The following DCP2 variants were observed in gnomAD, a reference collection of about 807,000 sequenced individuals.
The protein encoded by DCP2 is m7GpppN-mRNA hydrolase.
In DCP2, 30 loss-of-function variants were observed where a neutral mutation model predicts 56.1. The ratio of observed to expected loss-of-function variants is 0.53; its 90% CI spans 0.40 to 0.73. The LOEUF is 0.73. DCP2 is among the 30% of genes least tolerant of loss of function. The pLI, the probability that DCP2 is intolerant of heterozygous loss-of-function variation, is 0.00. For synonymous variants in DCP2, 197 were observed against 163.3 expected (o/e 1.21, Z -1.57); for missense variants, 533 against 502.7 (o/e 1.06, Z -0.58).
chr5:113,014,222 G>T lies in DCP2; in HGVS notation c.*738G>T. 6.6e-6 allele frequency: 1 copy of T among 152,320 alleles called. No individual in the cohort carries two copies. Among genetic ancestry groups the T allele is most frequent in the Non-Finnish European group, 1.5e-5 (1 of 68,046 alleles). The allele number at this position is 152,320 out of a possible 1,614,324, so 9.4% of individuals were successfully genotyped here. A position where few individuals can be genotyped will look rare whatever the true frequency, so the allele number is the denominator to read the frequency against. ...AATGTAGCAGACAGCATGGAGGCTG[G>T]GACCCAGCAGCTACTTTGGGTCATG... On this transcript the variant is annotated 3_prime_UTR_variant, in exon 11 of 11. Coordinates refer to ENST00000389063, the MANE Select transcript of DCP2 (RefSeq NM_152624.6).
Position 113,022,140 on chromosome 5 carries a change from G to A in DCP2, c.*8656G>A, listed in dbSNP as rs1750177469. On this transcript the variant is annotated 3_prime_UTR_variant, in exon 11 of 11. Coordinates refer to ENST00000389063, the MANE Select transcript of DCP2 (RefSeq NM_152624.6). ...AAATATTTATTCAGAATATAAGAATGTTTGTAAAATATTATAAATGTCTCT... is the reference window on the plus strand; with the variant it reads ...AAATATTTATTCAGAATATAAGAATATTTGTAAAATATTATAAATGTCTCT... 6.6e-6 allele frequency: 1 copy of A among 152,516 alleles called. No homozygotes were observed. Among genetic ancestry groups the A allele is most frequent in the Non-Finnish European group, 1.5e-5 (1 of 68,020 alleles). 9.4% of individuals were successfully genotyped at this position (152,516 alleles called of 1,614,324 possible). A position where few individuals can be genotyped will look rare whatever the true frequency, so the allele number is the denominator to read the frequency against.
intron 1 of DCP2, among the ~76,000 whole-genome samples, chr5:112,979,572 T>C (rs1747900929): frequency 6.6e-6 from 1 of 152,206 alleles, no homozygotes; most frequent in Non-Finnish European, 1.5e-5. Flanking sequence ...TATTAGTGTA[T>C]ATAGGAAGTT....
intron 2 of DCP2, among the ~76,000 whole-genome samples, chr5:112,988,946 ACAC>A (rs1469960768): frequency 1.3e-5 from 2 of 152,202 alleles, no homozygotes; most frequent in African/African-American, 4.8e-5. Flanking sequence ...CTATTACAAA[ACAC>A]CAACAACCTT....
chr5:112,992,507 C>A (rs879804398), intron 3 of DCP2, among the ~76,000 whole-genome samples, 165 bp from the exon 4 acceptor site: 3 of 151,928 alleles, frequency 2.0e-5, no homozygotes, highest in Non-Finnish European at 4.4e-5. Flanking sequence ...TGCTTTCACA[C>A]TGGTGGTGAT....
At chr5:112,997,963 A>G (rs746374134) in intron 4 of DCP2, among the ~76,000 whole-genome samples, 1 of 152,154 alleles carries the variant, frequency 6.6e-6, no homozygotes, top group Admixed American at 6.5e-5. Flanking sequence ...TTATCTGCTA[A>G]CATTTGAGAA....
chr5:112,992,231 G>A lies in DCP2; in HGVS notation c.316G>A (p.Asp106Asn). 5 of 1,611,502 alleles carry A rather than the reference G, an allele frequency of 3.1e-6. No homozygotes were observed. In the South Asian group the frequency reaches 5.5e-5, roughly 18 times the overall value. ...ACCAACATATGGTGCAATTATTCTTGATGAGACACTTGAAAATGTGAGTGT... is the reference window on the plus strand; with the variant it reads ...ACCAACATATGGTGCAATTATTCTTAATGAGACACTTGAAAATGTGAGTGT... ...GVPTYGAIILDETLENVLLVQ... is the reference protein window; with the variant it reads ...GVPTYGAIILNETLENVLLVQ... The change falls in exon 3 of 11, where the codon GAT (aspartate) becomes AAT (asparagine). Residue 106 changes from aspartate (D) to asparagine (N), a missense_variant. Asp to Asn is a conservative substitution (Grantham distance 23). Transcript: ENST00000389063.
intron 2 of DCP2, among the ~76,000 whole-genome samples, chr5:112,987,571 G>T (rs1423267522): frequency 1.4e-5 from 2 of 146,730 alleles, no homozygotes; most frequent in African/African-American, 5.0e-5. Context: ...TCATGCCTCA[G>T]CCTCCTGAGT....
chr5:112,977,879 G>T (rs542906613), intron 1 of DCP2, among the ~76,000 whole-genome samples: 1 of 152,202 alleles, frequency 6.6e-6, no homozygotes, highest in East Asian at 1.9e-4. Context: ...TTAAAAGGCA[G>T]GCTTTTAGTA....
chr5:112,979,650 G>A (rs1478956658), intron 1 of DCP2, among the ~76,000 whole-genome samples: 1 of 152,160 alleles, frequency 6.6e-6, no homozygotes, highest in Non-Finnish European at 1.5e-5. Flanking sequence ...TTGATGTGGA[G>A]AGCAGCAGAC....
rs1189176248 is a variant in DCP2 at position 113,017,212 on chromosome 5, T to C, written c.*3728T>C. 6.6e-6 allele frequency: 1 copy of C among 152,244 alleles called. No individual in the cohort carries two copies. The highest frequency in any genetic ancestry group is 1.5e-5 in the Non-Finnish European group (1 of 68,044). The allele number at this position is 152,244 out of a possible 1,614,324, so 9.4% of individuals were successfully genotyped here. A position where few individuals can be genotyped will look rare whatever the true frequency, so the allele number is the denominator to read the frequency against. The stretch of plus-strand genomic sequence containing the variant: ...TAGTAAAGTCAGACTCATTAACTTT[T>C]CTTCCTAGTAATTTTGACTTGGATT... On this transcript the variant is annotated 3_prime_UTR_variant, in exon 11 of 11. Coordinates refer to ENST00000389063, the MANE Select transcript of DCP2 (RefSeq NM_152624.6).
intron 2 of DCP2, among the ~76,000 whole-genome samples, chr5:112,988,027 C>T (rs1441596490): frequency 6.6e-6 from 1 of 151,958 alleles, no homozygotes; most frequent in Non-Finnish European, 1.5e-5. Flanking sequence ...GCTGAAATAC[C>T]CTCATTCTCA....
rs921783963 is a variant in DCP2 at position 113,019,101 on chromosome 5, A to G, written c.*5617A>G. The stretch of plus-strand genomic sequence containing the variant: ...TCTGAGGTCAAATTTAACATTTAAT[A>G]TATTCTCCTTTTAGTTCATTGAATC... On this transcript the variant is annotated 3_prime_UTR_variant, in exon 11 of 11. Transcript: ENST00000389063. 2.0e-5 allele frequency: 3 copies of G among 152,148 alleles called. No individual in the cohort carries two copies. The highest frequency in any genetic ancestry group is 4.4e-5 in the Non-Finnish European group (3 of 68,036). The allele number at this position is 152,148 out of a possible 1,614,324, so 9.4% of individuals were successfully genotyped here.
At chr5:112,984,720 A>ATATATG (rs1554098993) in intron 1 of DCP2, 2 of 132,632 alleles carry the variant, frequency 1.5e-5, no homozygotes, top group African/African-American at 6.0e-5. Context: ...ATATATATAT[A>ATATATG]TATATTTGAG....
At chr5:112,997,623 T>C (rs531202668) in intron 4 of DCP2, among the ~76,000 whole-genome samples, 35 of 151,700 alleles carry the variant, frequency 2.3e-4, no homozygotes, top group African/African-American at 8.0e-4. Context: ...CTTTTTTTTT[T>C]TTTTGAGACG....
chr5:113,010,789 C>T lies in DCP2; in HGVS notation c.1081C>T (p.Gln361Ter). 6.3e-7 allele frequency: 1 copy of T among 1,593,262 alleles called. No homozygotes were observed. Among genetic ancestry groups the T allele is most frequent in the Non-Finnish European group, 8.5e-7 (1 of 1,173,736 alleles). The part of the protein sequence containing the change: ...CEKKLHPRKL[Q>*]DNFETDAVYD... ...AAAGAAACTTCATCCACGGAAACTT[C>T]AGGATAATTTTGAAACAGGCAAGTC... The change falls in exon 10 of 11, where the codon CAG becomes TAG. Residue 361 changes from glutamine (Q) to a stop codon, truncating the protein, a stop_gained. Transcript: ENST00000389063. LOFTEE classifies it high-confidence loss of function.
At chr5:112,988,179 A>T (rs972965647) in intron 2 of DCP2, among the ~76,000 whole-genome samples, 3 of 152,014 alleles carry the variant, frequency 2.0e-5, no homozygotes, top group African/African-American at 7.2e-5. Context: ...TATTACTCTG[A>T]TCATTTGAAA....
intron 8 of DCP2, among the ~76,000 whole-genome samples, chr5:113,006,117 CAAAAAAA>C (rs75106280): frequency 1.3e-4 from 8 of 62,442 alleles, no homozygotes; most frequent in Non-Finnish European, 2.1e-4. Flanking sequence ...ACCCTATCTC[CAAAAAAA>C]AAAAAAAAAA....
At chr5:113,004,749 T>C (rs1011793616) in intron 8 of DCP2, among the ~76,000 whole-genome samples, 3 of 152,176 alleles carry the variant, frequency 2.0e-5, no homozygotes, top group Admixed American at 1.3e-4. Context: ...AGAGTTCTAA[T>C]CGTTGCACAT....
chr5:112,987,981 G>T (rs1292654744), intron 2 of DCP2, among the ~76,000 whole-genome samples: 1 of 152,044 alleles, frequency 6.6e-6, no homozygotes, highest in East Asian at 1.9e-4. Flanking sequence ...CCACAAGTTC[G>T]TGTACTAGAA....
Sources: gnomAD v4.1 joint callset for allele counts (sites outside exome capture counted in the v4.1 genomes callset) on GRCh38, gnomAD v4.1.1 for gene constraint, MANE v1.5 for transcripts, NCBI Gene and HGNC (gene_info 2026-07-23, HGNC 2026-07-21) for gene names.